The following EHD1 variants were observed in gnomAD, a reference collection of about 807,000 sequenced individuals.
EHD1 encodes the protein EH domain-containing protein 1.
Under a neutral mutation model 39.0 loss-of-function variants are expected in EHD1, and 19 were observed. The ratio of observed to expected loss-of-function variants is 0.49; its 90% CI spans 0.34 to 0.72. EHD1 has a LOEUF of 0.72. Among genes scored for constraint, EHD1 ranks in the 30% least tolerant of loss-of-function variants. The pLI is 0.01. For synonymous variants in EHD1, 323 were observed against 331.2 expected (o/e 0.98, Z 0.27); for missense variants, 542 against 751.5 (o/e 0.72, Z 3.26).
Position 64,878,234 on chromosome 11 carries a change from G to T in EHD1, c.231C>A (p.His77Gln). The T allele has an allele frequency of 6.2e-7, 1 of 1,613,970 alleles. No homozygotes were observed. Among genetic ancestry groups the T allele is most frequent in the East Asian group, 2.2e-5 (1 of 44,878 alleles). The change falls in exon 1 of 5, where the codon CAC becomes CAA. Residue 77 changes from histidine to glutamine, a missense_variant. Coordinates refer to ENST00000320631, the MANE Select transcript of EHD1 (RefSeq NM_006795.4). ...TCCCCGGGAAGTCCTGCTCGATCAG[G>T]TGTCGGATGAAGGTGGTCTTGCCCG... ...YSTGKTTFIRHLIEQDFPGMR... is the reference protein window; with the variant it reads ...YSTGKTTFIRQLIEQDFPGMR...
chr11:64,860,818 A>C (rs1943708582), intron 2 of EHD1, among the ~76,000 whole-genome samples: 1 of 150,766 alleles, frequency 6.6e-6, no homozygotes, highest in South Asian at 2.1e-4. Flanking sequence ...TCAGGAGTTC[A>C]AGACCAGCCT....
At chr11:64,855,691 ACTG>A (rs1943643823) in intron 3 of EHD1, 7 of 660,080 alleles carry the variant, frequency 1.1e-5, no homozygotes, top group Non-Finnish European at 1.5e-5. Flanking sequence ...ACAGCTGTCC[ACTG>A]CCACAGGACA....
chr11:64,878,119 C>T lies in EHD1; in HGVS notation c.346G>A (p.Val116Met). The change falls in exon 1 of 5, where the codon GTG (valine) becomes ATG (methionine). Residue 116 changes from valine to methionine, a missense_variant. Physicochemically the swap from Val to Met is conservative, Grantham distance 21. Transcript: ENST00000320631. Reference sequence around the variant, plus strand: ...TTGCGGAAGGGGCGCCGCGGGTCCACCACGAGCGCGTTGCCCGGCACCACG... The same window carrying T: ...TTGCGGAAGGGGCGCCGCGGGTCCATCACGAGCGCGTTGCCCGGCACCACG... ...EGVVPGNALV[V>M]DPRRPFRKLN... 1 of 1,562,930 alleles carries T rather than the reference C, an allele frequency of 6.4e-7. No individual in the cohort carries two copies. Among genetic ancestry groups the T allele is most frequent in the Non-Finnish European group, 8.7e-7 (1 of 1,151,064 alleles).
chr11:64,856,848 T>A (rs1197054008), intron 3 of EHD1, among the ~76,000 whole-genome samples: 1 of 152,204 alleles, frequency 6.6e-6, no homozygotes, highest in Non-Finnish European at 1.5e-5. Context: ...CCAGGCGCGG[T>A]GACTCAGTGT....
chr11:64,879,523 A>T, upstream of EHD1: 1 of 1,517,264 alleles, frequency 6.6e-7, no homozygotes. Flanking sequence ...TTTAGGGGGA[A>T]GTTTAAAAAC....
At chr11:64,877,893 T>A in intron 1 of EHD1, 168 bp downstream of exon 1, 2 of 619,618 alleles carry the variant, frequency 3.2e-6, no homozygotes, top group Non-Finnish European at 4.9e-6. Context: ...CCCCAGTGGG[T>A]TTACTCTGGG....
At chr11:64,859,645 G>A (rs7123368) in intron 3 of EHD1, 19,370 of 426,376 alleles carry the variant, frequency 0.045, 622 homozygotes, top group Middle Eastern at 0.074. Context: ...TGCTGTTTCT[G>A]TGTTGTAAGC....
At position 64,854,665 on chromosome 11, in the gene EHD1, C is replaced by T. The variant is rs751688333; in HGVS notation, c.1273G>A (p.Gly425Ser). The T allele has an allele frequency of 2.5e-6, 4 of 1,613,820 alleles. No individual in the cohort carries two copies. The highest frequency in any genetic ancestry group is 1.1e-5 in the South Asian group (1 of 91,080). Residue 425 changes from glycine to serine, a missense_variant, in exon 5 of 5, where the codon GGC becomes AGC. Coordinates refer to ENST00000320631, the MANE Select transcript of EHD1 (RefSeq NM_006795.4). Reference protein sequence around the residue: ...DGTMNGPFGHGYGEGAGEGID... With the variant: ...DGTMNGPFGHSYGEGAGEGID... ...CCCTCGCCGGCCCCCTCGCCGTAGC[C>T]GTGCCCGAACGGCCCGTTCATGGTG...
chr11:64,852,251 T>C lies in EHD1; in HGVS notation c.*2082A>G, dbSNP rs1943589719. On this transcript the variant is annotated 3_prime_UTR_variant, in exon 5 of 5. Coordinates refer to ENST00000320631, the MANE Select transcript of EHD1 (RefSeq NM_006795.4). The stretch of plus-strand genomic sequence containing the variant: ...CTGACTGGCCCCACCCTTAGTTGCA[T>C]GTTTGTCACAGGCTATCTGCTTTGT... 1 of 152,258 alleles carries C rather than the reference T, an allele frequency of 6.6e-6. No individual in the cohort carries two copies. The highest frequency in any genetic ancestry group is 1.5e-5 in the Non-Finnish European group (1 of 68,076). 9.4% of individuals were successfully genotyped at this position (152,258 alleles called of 1,614,324 possible). A position where few individuals can be genotyped will look rare whatever the true frequency, so the allele number is the denominator to read the frequency against.
upstream of EHD1, chr11:64,879,517 G>A: frequency 6.6e-7 from 1 of 1,504,738 alleles, no homozygotes; most frequent in South Asian, 1.2e-5. Flanking sequence ...TGGGAATTTA[G>A]GGGGAAGTTT....
At chr11:64,861,116 G>A (rs987254287) in intron 2 of EHD1, among the ~76,000 whole-genome samples, 5 of 151,710 alleles carry the variant, frequency 3.3e-5, no homozygotes, top group Non-Finnish European at 7.4e-5. Flanking sequence ...AAACCAGGAG[G>A]CAGAGGTTGC....
chr11:64,860,759 C>T (rs1310420132), intron 2 of EHD1, among the ~76,000 whole-genome samples: 1 of 150,348 alleles, frequency 6.7e-6, no homozygotes, highest in Non-Finnish European at 1.5e-5. Flanking sequence ...CAGTGGCTCA[C>T]ACCTGTAATC....
intron 2 of EHD1, among the ~76,000 whole-genome samples, chr11:64,873,154 C>T (rs1172252153): frequency 6.6e-6 from 1 of 152,204 alleles, no homozygotes; most frequent in Non-Finnish European, 1.5e-5. Context: ...CATCCTGAAC[C>T]AGATCTTCAA....
chr11:64,859,780 T>C, intron 3 of EHD1, 144 bp downstream of exon 3: 1 of 1,208,360 alleles, frequency 8.3e-7, no homozygotes. Flanking sequence ...AAGACTGGTT[T>C]CTATAGAGGG....
chr11:64,867,078 T>A (rs1343210999), intron 2 of EHD1, among the ~76,000 whole-genome samples: 1 of 152,164 alleles, frequency 6.6e-6, no homozygotes, highest in African/African-American at 2.4e-5. Flanking sequence ...AATGCACACC[T>A]ACAAATAGTT....
At chr11:64,875,301 A>G (rs980679600) in intron 1 of EHD1, among the ~76,000 whole-genome samples, 2 of 152,260 alleles carry the variant, frequency 1.3e-5, no homozygotes, top group Non-Finnish European at 2.9e-5. Context: ...CTGTAATCCT[A>G]GTACTTTGGG....
At chr11:64,864,663 G>A (rs140573552) in intron 2 of EHD1, among the ~76,000 whole-genome samples, 290 of 152,350 alleles carry the variant, frequency 1.9e-3, no homozygotes, top group Non-Finnish European at 3.4e-3. Context: ...AGCAAAAAGG[G>A]GGCCCAGCTT....
At chr11:64,872,414 TC>T (rs1943839876) in intron 2 of EHD1, among the ~76,000 whole-genome samples, 2 of 152,094 alleles carry the variant, frequency 1.3e-5, no homozygotes, top group Non-Finnish European at 2.9e-5. Context: ...TGAACCGAGA[TC>T]ATGCCACTGC....
chr11:64,861,669 G>T (rs1285826238), intron 2 of EHD1, among the ~76,000 whole-genome samples: 2 of 151,952 alleles, frequency 1.3e-5, no homozygotes, highest in South Asian at 4.2e-4. Context: ...TATTATCCAT[G>T]GCTTCTTTTG....
Sources: gnomAD v4.1 joint callset for allele counts (sites outside exome capture counted in the v4.1 genomes callset) on GRCh38, gnomAD v4.1.1 for gene constraint, MANE v1.5 for transcripts, NCBI Gene and HGNC (gene_info 2026-07-23, HGNC 2026-07-21) for gene names.